The following RHOJ variants were observed in gnomAD, a reference collection of about 807,000 sequenced individuals.
RHOJ encodes ras homolog family member J.
RHOJ carries 11 observed loss-of-function variants against 23.4 expected under a neutral mutation model. The observed-to-expected ratio is 0.47, with a 90% confidence interval of 0.30 to 0.78. The LOEUF (loss-of-function observed/expected upper bound fraction) is 0.78, where lower values mean the gene tolerates loss of function less well. Ranked by LOEUF, RHOJ falls within the 30% of genes least tolerant of loss-of-function variation. RHOJ has a pLI of 0.08. For synonymous variants in RHOJ, 102 were observed against 102.7 expected (o/e 0.99, Z 0.04); for missense variants, 254 against 273.4 (o/e 0.93, Z 0.50).
chr14:63,290,554 T>A (rs1882213570), intron 4 of RHOJ, among the ~76,000 whole-genome samples: 1 of 152,196 alleles, frequency 6.6e-6, no homozygotes, highest in Non-Finnish European at 1.5e-5. Flanking sequence ...TGTCTCCTAA[T>A]TTTTTAGATC....
intron 1 of RHOJ, among the ~76,000 whole-genome samples, chr14:63,219,314 G>T (rs76377020): frequency 6.6e-6 from 1 of 152,108 alleles, no homozygotes; most frequent in Non-Finnish European, 1.5e-5. Flanking sequence ...AGCATTTTTC[G>T]ACTTCTTTGA....
intron 2 of RHOJ, among the ~76,000 whole-genome samples, chr14:63,272,633 T>C (rs911678191): frequency 1.3e-5 from 2 of 152,234 alleles, no homozygotes; most frequent in Non-Finnish European, 2.9e-5. Flanking sequence ...TCCCTTGACT[T>C]TGAGGCACCT....
intron 1 of RHOJ, 139 bp downstream of exon 1, chr14:63,205,186 A>G: frequency 1.3e-6 from 1 of 797,302 alleles, no homozygotes; most frequent in South Asian, 1.9e-5. Context: ...AGCGTAGCAT[A>G]CAACCCAGGA....
intron 1 of RHOJ, 49 bp downstream of exon 1, chr14:63,205,096 G>T: frequency 6.3e-7 from 1 of 1,575,114 alleles, no homozygotes; most frequent in Non-Finnish European, 8.6e-7. Context: ...GATGCAGGGG[G>T]CGAGACCCTA....
chr14:63,272,668 C>T lies in RHOJ; in HGVS notation c.237+3500C>T, dbSNP rs567629859. On this transcript the variant is annotated intron_variant, in intron 2 of 4. Transcript: ENST00000316754. Reference sequence around the variant, plus strand: ...TAGTCTGCCTCAGACCTGGCTACAGCCCCATGAGCCATGGCCTGAGATACT... The same window carrying T: ...TAGTCTGCCTCAGACCTGGCTACAGTCCCATGAGCCATGGCCTGAGATACT... Among the ~76,000 whole-genome samples the T allele has an allele frequency of 3.9e-5, 6 of 152,342 alleles. No homozygotes were observed. In the South Asian group the frequency reaches 8.3e-4, roughly 21 times the overall value.
intron 2 of RHOJ, among the ~76,000 whole-genome samples, chr14:63,276,611 A>G (rs1200043979): frequency 6.6e-6 from 1 of 152,182 alleles, no homozygotes; most frequent in East Asian, 1.9e-4. Flanking sequence ...AGGTTTCCAC[A>G]GAAGAGAGAT....
intron 1 of RHOJ, among the ~76,000 whole-genome samples, chr14:63,249,909 C>T (rs1049760892): frequency 3.9e-5 from 6 of 152,170 alleles, no homozygotes; most frequent in African/African-American, 1.4e-4. Flanking sequence ...AAGATAATGT[C>T]TCCTAGGAAG....
At chr14:63,245,186 T>G (rs921669756) in intron 1 of RHOJ, among the ~76,000 whole-genome samples, 1 of 152,244 alleles carries the variant, frequency 6.6e-6, no homozygotes, top group African/African-American at 2.4e-5. Context: ...ATCAGGGTAC[T>G]GAAGCAACTT....
chr14:63,241,825 T>C (rs2139632035), intron 1 of RHOJ, among the ~76,000 whole-genome samples: 1 of 152,280 alleles, frequency 6.6e-6, no homozygotes, highest in Admixed American at 6.5e-5. Flanking sequence ...GAATAAGTAG[T>C]ATAAGGACAC....
chr14:63,230,840 G>GTTTTTTTTT (rs1566611310), intron 1 of RHOJ, among the ~76,000 whole-genome samples: 16 of 96,714 alleles, frequency 1.7e-4, no homozygotes, highest in African/African-American at 6.9e-4. Flanking sequence ...AGGGTACAAG[G>GTTTTTTTTT]CTTTTTTTTT....
Position 63,214,611 on chromosome 14 carries a change from G to A in RHOJ, c.178+9564G>A, listed in dbSNP as rs540289752. 3.9e-5 allele frequency among the ~76,000 whole-genome samples: 6 copies of A among 152,236 alleles called. No individual in the cohort carries two copies. In the East Asian group the frequency reaches 1.2e-3, roughly 29 times the overall value. On this transcript the variant is annotated intron_variant, in intron 1 of 4. Transcript: ENST00000316754. ...CTCAAAAAAGATCTGTACCTGCGGT[G>A]GGGGCATAGAGAGCTCCTGGAAGAA...
chr14:63,265,354 G>T (rs923901623), intron 1 of RHOJ, among the ~76,000 whole-genome samples: 10 of 152,078 alleles, frequency 6.6e-5, no homozygotes, highest in Non-Finnish European at 1.5e-4. Context: ...TTATTTCTGG[G>T]TTCTCTATTT....
At chr14:63,251,364 A>G (rs1335936003) in intron 1 of RHOJ, among the ~76,000 whole-genome samples, 1 of 152,234 alleles carries the variant, frequency 6.6e-6, no homozygotes, top group Non-Finnish European at 1.5e-5. Flanking sequence ...TCTGAAGTAT[A>G]TAGCCATAGT....
chr14:63,252,117 T>C (rs887357304), intron 1 of RHOJ, among the ~76,000 whole-genome samples: 1 of 152,062 alleles, frequency 6.6e-6, no homozygotes, highest in African/African-American at 2.4e-5. Flanking sequence ...GTCCAAAATG[T>C]GTTTCACTAG....
At chr14:63,276,492 C>T (rs7141481) in intron 2 of RHOJ, among the ~76,000 whole-genome samples, 14,374 of 152,274 alleles carry the variant, frequency 0.094, 896 homozygotes, top group East Asian at 0.19. Flanking sequence ...CTTTCCCCAA[C>T]TGAATTGCCA....
chr14:63,223,502 A>C (rs1391507102), intron 1 of RHOJ, among the ~76,000 whole-genome samples: 1 of 152,188 alleles, frequency 6.6e-6, no homozygotes, highest in East Asian at 1.9e-4. Flanking sequence ...CCGGGAGGTA[A>C]TTATTATCTG....
Position 63,291,387 on chromosome 14 carries a change from G to T in RHOJ, c.*363G>T. On this transcript the variant is annotated 3_prime_UTR_variant, in exon 5 of 5. Transcript: ENST00000316754. ...CCCAGGGAACCCGAAAAAGAAACTTGATTCCTCTATTGCTGGCCTTACTTG... is the reference window on the plus strand; with the variant it reads ...CCCAGGGAACCCGAAAAAGAAACTTTATTCCTCTATTGCTGGCCTTACTTG... 1 of 307,010 alleles carries T rather than the reference G, an allele frequency of 3.3e-6. No individual in the cohort carries two copies. Among genetic ancestry groups the T allele is most frequent in the Non-Finnish European group, 6.3e-6 (1 of 159,568 alleles). The allele number at this position is 307,010 out of a possible 1,614,324, so 19.0% of individuals were successfully genotyped here.
intron 1 of RHOJ, among the ~76,000 whole-genome samples, chr14:63,236,748 A>AACACACACAC (rs59297455): frequency 0.055 from 7,565 of 138,314 alleles, 279 homozygotes; most frequent in African/African-American, 0.089. Flanking sequence ...AGAGGCTTGA[A>AACACACACAC]ACACACACAC....
intron 1 of RHOJ, among the ~76,000 whole-genome samples, chr14:63,229,559 C>G (rs1489753532): frequency 6.6e-6 from 1 of 152,116 alleles, no homozygotes; most frequent in Non-Finnish European, 1.5e-5. Context: ...TGCTGGCCAT[C>G]AGCCAAGCAC....
Sources: allele counts gnomAD v4.1 joint callset (sites outside exome capture counted in the v4.1 genomes callset), GRCh38; gene constraint gnomAD v4.1.1; transcripts MANE v1.5; gene names NCBI Gene and HGNC (gene_info 2026-07-23, HGNC 2026-07-21).